Variants in SLC14A2 observed in about 807,000 individuals in gnomAD.
SLC14A2 encodes urea transporter 2.
In SLC14A2, 91 loss-of-function variants were observed where a neutral mutation model predicts 104.6. That is an observed-to-expected ratio of 0.87 (90% CI 0.73 to 1.04). SLC14A2 has a LOEUF of 1.04. Among genes scored for constraint, SLC14A2 ranks in the 50% least tolerant of loss-of-function variants. SLC14A2 has a pLI of 0.00. For missense variants in SLC14A2, 1,189 were observed against 1,156.0 expected (o/e 1.03, Z -0.41); for synonymous variants, 476 against 466.4 (o/e 1.02, Z -0.27).
intron 1 of SLC14A2, among the ~76,000 whole-genome samples, chr18:45,350,703 GCA>G (rs1420215090): frequency 6.6e-6 from 1 of 151,260 alleles, no homozygotes; most frequent in Non-Finnish European, 1.5e-5. Flanking sequence ...CTCACTCCCA[GCA>G]CAGTGTTATT....
chr18:45,535,082 G>A (rs1467231308), intron 2 of SLC14A2, among the ~76,000 whole-genome samples: 1 of 152,148 alleles, frequency 6.6e-6, no homozygotes, highest in African/African-American at 2.4e-5. Context: ...TTTGTGAAGA[G>A]GCAACCAAAA....
intron 1 of SLC14A2, among the ~76,000 whole-genome samples, chr18:45,379,190 C>T (rs2085807248): frequency 6.6e-6 from 1 of 152,222 alleles, no homozygotes; most frequent in Non-Finnish European, 1.5e-5. Flanking sequence ...GTGTCCCTCA[C>T]AAAACATCCT....
intron 1 of SLC14A2, among the ~76,000 whole-genome samples, chr18:45,446,883 CA>C (rs1487604323): frequency 6.6e-6 from 1 of 152,172 alleles, no homozygotes; most frequent in Non-Finnish European, 1.5e-5. Flanking sequence ...TTGTGACTGT[CA>C]GCATTTTCAT....
At chr18:45,454,463 A>G (rs2086908952) in intron 1 of SLC14A2, among the ~76,000 whole-genome samples, 1 of 152,050 alleles carries the variant, frequency 6.6e-6, no homozygotes, top group Admixed American at 6.6e-5. Flanking sequence ...TTGCCTGTTC[A>G]CTCTGCTGAT....
At chr18:45,200,509 A>G in the SLC14A2 span, among the ~76,000 whole-genome samples, 1 of 152,208 alleles carries the variant, frequency 6.6e-6, no homozygotes, top group African/African-American at 2.4e-5. Context: ...AAGTAATGTC[A>G]ATATTTTCAT....
chr18:45,259,584 A>G (rs2084514896), intron 1 of SLC14A2, among the ~76,000 whole-genome samples: 1 of 152,186 alleles, frequency 6.6e-6, no homozygotes, highest in Admixed American at 6.5e-5. Flanking sequence ...AAGAGTAAAG[A>G]TAAGAGTGAT....
At chr18:45,681,604 T>C (rs2046309976) in intron 19 of SLC14A2, among the ~76,000 whole-genome samples, 1 of 152,368 alleles carries the variant, frequency 6.6e-6, no homozygotes, top group South Asian at 2.1e-4. Context: ...AGCTGTGCTC[T>C]GTCTCCAGCT....
intron 2 of SLC14A2, among the ~76,000 whole-genome samples, chr18:45,600,486 G>C (rs2044772700): frequency 6.6e-6 from 1 of 152,160 alleles, no homozygotes. Flanking sequence ...ACAACACACA[G>C]TGAACAGGCA....
At chr18:45,591,489 C>T (rs1345132845) in intron 2 of SLC14A2, among the ~76,000 whole-genome samples, 2 of 152,212 alleles carry the variant, frequency 1.3e-5, no homozygotes, top group African/African-American at 4.8e-5. Flanking sequence ...TGCCCACCAC[C>T]ACACCCAGCT....
intron 2 of SLC14A2, among the ~76,000 whole-genome samples, chr18:45,510,549 A>G (rs897499119): frequency 1.3e-5 from 2 of 151,952 alleles, no homozygotes. Context: ...ATGTCACAAT[A>G]TTGCCTTCCC....
At chr18:45,183,504 A>G in the SLC14A2 span, among the ~76,000 whole-genome samples, 8 of 152,126 alleles carry the variant, frequency 5.3e-5, no homozygotes, top group Non-Finnish European at 1.2e-4. Context: ...GATGTTGATC[A>G]TGTTTCTTTA....
chr18:45,606,974 C>G (rs1343252495), intron 2 of SLC14A2, among the ~76,000 whole-genome samples: 1 of 152,114 alleles, frequency 6.6e-6, no homozygotes, highest in Non-Finnish European at 1.5e-5. Context: ...TTCCCATCCT[C>G]AAGGCTACAG....
intron 1 of SLC14A2, among the ~76,000 whole-genome samples, chr18:45,302,084 C>A (rs1231273989): frequency 6.6e-6 from 1 of 152,200 alleles, no homozygotes; most frequent in Non-Finnish European, 1.5e-5. Flanking sequence ...CAATCATCAT[C>A]TGTGTTGAAG....
chr18:45,610,700 ACT>A (rs2044958887), upstream of SLC14A2, among the ~76,000 whole-genome samples: 1 of 151,958 alleles, frequency 6.6e-6, no homozygotes, highest in African/African-American at 2.4e-5. Flanking sequence ...GCTTTGCAAA[ACT>A]CTGTAATTCC....
chr18:45,300,027 A>T (rs2084953114), intron 1 of SLC14A2, among the ~76,000 whole-genome samples: 1 of 152,144 alleles, frequency 6.6e-6, no homozygotes, highest in South Asian at 2.1e-4. Context: ...CAAGAGAAGG[A>T]GCCTCTCAGA....
At chr18:45,280,086 G>C (rs2084746248) in intron 1 of SLC14A2, among the ~76,000 whole-genome samples, 1 of 152,158 alleles carries the variant, frequency 6.6e-6, no homozygotes, top group Non-Finnish European at 1.5e-5. Flanking sequence ...CCTGCTATTT[G>C]TGCTGCGTAC....
intron 10 of SLC14A2, among the ~76,000 whole-genome samples, chr18:45,659,444 T>A (rs910715882): frequency 1.3e-5 from 2 of 152,238 alleles, no homozygotes; most frequent in Non-Finnish European, 2.9e-5. Flanking sequence ...TGGACTTATG[T>A]AATATCTTAG....
chr18:45,458,700 T>C (rs771815943), intron 1 of SLC14A2, among the ~76,000 whole-genome samples: 17 of 152,184 alleles, frequency 1.1e-4, no homozygotes, highest in Non-Finnish European at 1.9e-4. Flanking sequence ...GAAACTAAGA[T>C]GCAGAGAGAA....
Position 45,635,117 on chromosome 18 carries a change from T to G in SLC14A2, c.651-1873T>G, listed in dbSNP as rs189602845. Among the ~76,000 whole-genome samples, 5 of 152,154 alleles carry G rather than the reference T, an allele frequency of 3.3e-5. No homozygotes were observed. The East Asian group carries it at 9.7e-4, about 29-fold the overall frequency. ...TACAAAAGACCAAGAGAAGAACTGG[T>G]CGGTGGCAGGAGACAGGATACAAAT... On this transcript the variant is annotated intron_variant, in intron 5 of 19. Transcript: ENST00000255226.
Sources: allele counts gnomAD v4.1 joint callset (sites outside exome capture counted in the v4.1 genomes callset), GRCh38; gene constraint gnomAD v4.1.1; transcripts MANE v1.5; gene names NCBI Gene and HGNC (gene_info 2026-07-23, HGNC 2026-07-21).